The following PARD3B variants were observed in gnomAD, a reference collection of about 807,000 sequenced individuals.
The protein encoded by PARD3B is par-3 family cell polarity regulator beta, also known as partitioning defective 3 homolog B.
A neutral mutation model predicts 130.2 loss-of-function variants in PARD3B; 103 were observed. The observed-to-expected ratio is 0.79, with a 90% confidence interval of 0.67 to 0.93. PARD3B has a LOEUF of 0.93. PARD3B is among the 40% of genes least tolerant of loss of function. The probability of loss-of-function intolerance (pLI) is 0.00; values close to 1 mark genes in which losing one functional copy is unlikely to be tolerated. For synonymous variants in PARD3B, 583 were observed against 553.2 expected (o/e 1.05, Z -0.76); for missense variants, 1,609 against 1,499.2 (o/e 1.07, Z -1.21).
rs2032946534 is a variant in PARD3B, at chr2:205,141,471, G to T, written c.1434+15734G>T. On this transcript the variant is annotated intron_variant, in intron 10 of 22. Coordinates refer to ENST00000406610, the MANE Select transcript of PARD3B (RefSeq NM_001302769.2). ...CTTTTTTTGGTTTAATTTGAACAGG[G>T]TAGTTGCCAAATAGCACCAGCTGTC... is the stretch of plus-strand genomic sequence containing the variant. Among the ~76,000 whole-genome samples, 6 of 152,120 alleles carry T rather than the reference G, an allele frequency of 3.9e-5. No homozygotes were observed. The South Asian group carries it at 1.2e-3, about 32-fold the overall frequency.
chr2:204,750,192 T>C (rs187117200), intron 2 of PARD3B, among the ~76,000 whole-genome samples: 4 of 152,300 alleles, frequency 2.6e-5, no homozygotes, highest in Admixed American at 2.6e-4. Context: ...CTGTTATCAT[T>C]TGGAAATCTA....
At chr2:204,931,705 C>G (rs1461142633) in intron 2 of PARD3B, among the ~76,000 whole-genome samples, 2 of 151,812 alleles carry the variant, frequency 1.3e-5, no homozygotes, top group Admixed American at 6.6e-5. Context: ...GCCTTCAGAC[C>G]TGTTACTTAC....
chr2:205,506,795 T>G lies in PARD3B; in HGVS notation c.3180+6764T>G, dbSNP rs186014609. On this transcript the variant is annotated intron_variant, in intron 21 of 22. Transcript: ENST00000406610. Reference sequence around the variant, plus strand: ...TAAGTACATTGATGAACAATTCTGGTTTAGGCAATAGCTCTTATATTCCAA... The same window carrying G: ...TAAGTACATTGATGAACAATTCTGGGTTAGGCAATAGCTCTTATATTCCAA... Among the ~76,000 whole-genome samples, 4 of 152,304 alleles carry G rather than the reference T, an allele frequency of 2.6e-5. No individual in the cohort carries two copies. In the East Asian group the frequency reaches 7.7e-4, roughly 29 times the overall value.
Position 205,290,954 on chromosome 2 carries a change from G to A in PARD3B, c.2186-9576G>A, listed in dbSNP as rs147460937. 8.0e-3 allele frequency among the ~76,000 whole-genome samples: 1,220 copies of A among 152,254 alleles called. 23 individuals are homozygous for A. Among genetic ancestry groups the A allele is most frequent in the African/African-American group, 0.027 (1,142 of 41,556 alleles). On this transcript the variant is annotated intron_variant, in intron 16 of 22. Coordinates refer to ENST00000406610, the MANE Select transcript of PARD3B (RefSeq NM_001302769.2). ...CTGAATCTGCCTGTGCCTTGATCTTGCACTTCCCAGCCTCCAGAACAGTGG... is the reference window on the plus strand; with the variant it reads ...CTGAATCTGCCTGTGCCTTGATCTTACACTTCCCAGCCTCCAGAACAGTGG...
chr2:205,179,118 AC>A (rs1282287556), intron 13 of PARD3B, among the ~76,000 whole-genome samples: 1 of 152,190 alleles, frequency 6.6e-6, no homozygotes, highest in Non-Finnish European at 1.5e-5. Context: ...CTCAGGTTTT[AC>A]CAAAAAAGTT....
intron 2 of PARD3B, among the ~76,000 whole-genome samples, chr2:204,921,600 A>G (rs2125752254): frequency 6.6e-6 from 1 of 152,292 alleles, no homozygotes. Context: ...TTATCAGTGA[A>G]ATAGCAGTTA....
At chr2:205,075,683 C>CAAA (rs55720496) in intron 4 of PARD3B, among the ~76,000 whole-genome samples, 5 of 139,648 alleles carry the variant, frequency 3.6e-5, no homozygotes, top group African/African-American at 1.3e-4. Context: ...GCCATTCTAA[C>CAAA]AAAAAAAAAA....
In PARD3B at chr2:204,845,735, A is replaced by G. The variant is rs746293031; in HGVS notation, c.223-119417A>G. Among the ~76,000 whole-genome samples the G allele has an allele frequency of 1.8e-4, 28 of 152,080 alleles. 1 individual carries two copies. The highest frequency in any genetic ancestry group is 6.2e-4 in the South Asian group (3 of 4,828). On this transcript the variant is annotated intron_variant, in intron 2 of 22. Transcript: ENST00000406610. ...CTCTGATTTCCGTTGATTTTATTTC[A>G]TGTAAAACTATAACCTTCACAACTA...
intron 21 of PARD3B, among the ~76,000 whole-genome samples, chr2:205,505,303 C>A (rs2106355643): frequency 6.6e-6 from 1 of 152,126 alleles, no homozygotes; most frequent in South Asian, 2.1e-4. Flanking sequence ...TGACGAGTTG[C>A]TGGGTGCAGC....
chr2:204,814,977 A>G (rs1219140379), intron 2 of PARD3B, among the ~76,000 whole-genome samples: 2 of 150,306 alleles, frequency 1.3e-5, no homozygotes, highest in Non-Finnish European at 2.9e-5. Flanking sequence ...TTGACTTGCT[A>G]AAATTTTGTT....
chr2:205,323,304 G>A (rs1005501901), intron 18 of PARD3B, among the ~76,000 whole-genome samples: 11 of 152,070 alleles, frequency 7.2e-5, no homozygotes, highest in Admixed American at 3.9e-4. Context: ...CAGCTTAACT[G>A]TATGCTATCA....
intron 3 of PARD3B, among the ~76,000 whole-genome samples, chr2:205,014,094 A>G (rs1026051604): frequency 6.6e-6 from 1 of 152,236 alleles, no homozygotes; most frequent in Non-Finnish European, 1.5e-5. Context: ...AAAAGTCTTC[A>G]TCTATTCATA....
At position 205,121,918 on chromosome 2, in the gene PARD3B, T is replaced by C; in HGVS notation, c.1134T>C (p.Asn378=). Residue 378 remains asparagine, a synonymous_variant, in exon 8 of 23, where the codon AAT becomes AAC. Coordinates refer to ENST00000406610, the MANE Select transcript of PARD3B (RefSeq NM_001302769.2). This position sits in a 1 kb window ranked among gnomAD's most constrained non-coding sequence, Gnocchi z 5.0. ...SPLMGFGSNK[N]AKKIKIDLKK... ...TCATGGGATTTGGCAGCAATAAAAA[T>C]GCAAAGAAAATTAAGATTGACCTAA... 6.2e-7 allele frequency: 1 copy of C among 1,611,870 alleles called. No individual in the cohort carries two copies. The highest frequency in any genetic ancestry group is 8.5e-7 in the Non-Finnish European group (1 of 1,179,052).
intron 18 of PARD3B, among the ~76,000 whole-genome samples, chr2:205,349,504 T>C (rs988713187): frequency 4.6e-5 from 7 of 152,142 alleles, no homozygotes; most frequent in African/African-American, 1.7e-4. Context: ...TGGAAAGAAA[T>C]CCACTTCCTA....
intron 2 of PARD3B, among the ~76,000 whole-genome samples, chr2:204,901,674 G>A (rs925933432): frequency 6.6e-6 from 1 of 151,832 alleles, no homozygotes; most frequent in African/African-American, 2.4e-5. Context: ...GTCTCTTGCT[G>A]TAGCCATCAC....
At chr2:204,851,432 A>T (rs996235286) in intron 2 of PARD3B, among the ~76,000 whole-genome samples, 8 of 152,210 alleles carry the variant, frequency 5.3e-5, no homozygotes, top group Admixed American at 5.2e-4. Flanking sequence ...CTGTTAAACT[A>T]ATCAGCTTGT....
intron 2 of PARD3B, among the ~76,000 whole-genome samples, chr2:204,722,851 G>T (rs2039059507): frequency 6.6e-6 from 1 of 152,136 alleles, no homozygotes; most frequent in East Asian, 1.9e-4. Context: ...TGAAGGCTAT[G>T]CTGTCTGGCT....
intron 2 of PARD3B, among the ~76,000 whole-genome samples, chr2:204,826,069 A>G (rs1217757846): frequency 1.3e-5 from 2 of 152,188 alleles, no homozygotes; most frequent in Non-Finnish European, 2.9e-5. Flanking sequence ...TCCAGGCATG[A>G]TAAGTCAAAT....
intron 15 of PARD3B, among the ~76,000 whole-genome samples, chr2:205,233,281 T>A (rs1330579503): frequency 6.6e-6 from 1 of 152,022 alleles, no homozygotes; most frequent in Non-Finnish European, 1.5e-5. Context: ...GCAAAAATAT[T>A]TTTCTAAAAC....
Sources: gnomAD v4.1 joint callset for allele counts (sites outside exome capture counted in the v4.1 genomes callset) on GRCh38, gnomAD v4.1.1 for gene constraint, Gnocchi (gnomAD v3.1) non-coding constraint, MANE v1.5 for transcripts, NCBI Gene and HGNC (gene_info 2026-07-23, HGNC 2026-07-21) for gene names.